TGFB2: variants seen among roughly 807,000 people sequenced by gnomAD.
TGFB2 encodes transforming growth factor beta-2 proprotein.
In TGFB2, 13 loss-of-function variants were observed where a neutral mutation model predicts 42.7. The ratio of observed to expected loss-of-function variants is 0.30; its 90% CI spans 0.20 to 0.48. TGFB2 has a LOEUF of 0.48. Ranked by LOEUF, TGFB2 falls within the 20% of genes least tolerant of loss-of-function variation. The pLI, the probability that TGFB2 is intolerant of heterozygous loss-of-function variation, is 0.99. For synonymous variants in TGFB2, 193 were observed against 193.6 expected (o/e 1.00, Z 0.03); for missense variants, 390 against 517.5 (o/e 0.75, Z 2.39).
intron 2 of TGFB2, among the ~76,000 whole-genome samples, chr1:218,426,867 G>A (rs1313812591): frequency 1.3e-5 from 2 of 152,160 alleles, no homozygotes; most frequent in African/African-American, 4.8e-5. Flanking sequence ...TTCTTTTTGT[G>A]AAAGGCCAAG....
intron 1 of TGFB2, among the ~76,000 whole-genome samples, chr1:218,378,245 T>C (rs7546539): frequency 0.63 from 96,247 of 151,626 alleles, 31,156 homozygotes; most frequent in African/African-American, 0.73. Flanking sequence ...GGTGCGATCT[T>C]AGCTCACTGC....
chr1:218,357,711 T>C (rs1657085364), intron 1 of TGFB2, among the ~76,000 whole-genome samples: 1 of 152,228 alleles, frequency 6.6e-6, no homozygotes, highest in Non-Finnish European at 1.5e-5. Flanking sequence ...TTTGAATGCA[T>C]TTCCATCCCT....
At chr1:218,390,378 C>A (rs1343200295) in intron 1 of TGFB2, among the ~76,000 whole-genome samples, 1 of 151,920 alleles carries the variant, frequency 6.6e-6, no homozygotes, top group African/African-American at 2.4e-5. Context: ...AAGAATTCTC[C>A]TTCCATTCTC....
At chr1:218,362,425 G>A (rs1657243025) in intron 1 of TGFB2, among the ~76,000 whole-genome samples, 1 of 152,172 alleles carries the variant, frequency 6.6e-6, no homozygotes, top group East Asian at 1.9e-4. Flanking sequence ...CTGTCAGTCT[G>A]TTTTAAATAT....
intron 1 of TGFB2, among the ~76,000 whole-genome samples, chr1:218,353,392 G>C (rs759605485): frequency 1.3e-5 from 2 of 152,178 alleles, no homozygotes; most frequent in Admixed American, 6.5e-5. Context: ...CTATGAGAAG[G>C]CCTGAGAGTT....
intron 1 of TGFB2, among the ~76,000 whole-genome samples, chr1:218,396,919 C>T (rs1658530476): frequency 6.6e-6 from 1 of 152,210 alleles, no homozygotes; most frequent in South Asian, 2.1e-4. Context: ...CTTTAGAACT[C>T]TTCCTCTTTT....
chr1:218,346,732 A>T lies in TGFB2; in HGVS notation c.31A>T (p.Ile11Phe). ...CTACTGTGTGCTGAGCGCTTTTCTGATCCTGCATCTGGTCACGGTCGCGCT... is the reference window on the plus strand; with the variant it reads ...CTACTGTGTGCTGAGCGCTTTTCTGTTCCTGCATCTGGTCACGGTCGCGCT... MHYCVLSAFL[I>F]LHLVTVALSL... Residue 11 changes from isoleucine to phenylalanine, a missense_variant, in exon 1 of 7, where the codon ATC becomes TTC. By Grantham distance (21) the Ile-to-Phe change is conservative (BLOSUM62 0). Transcript: ENST00000366930. This position sits in a 1 kb window ranked among gnomAD's most constrained non-coding sequence, Gnocchi z 4.9. 6.2e-7 allele frequency: 1 copy of T among 1,613,498 alleles called. No individual in the cohort carries two copies. The highest frequency in any genetic ancestry group is 8.5e-7 in the Non-Finnish European group (1 of 1,179,894).
chr1:218,406,526 C>T (rs894258250), intron 2 of TGFB2, among the ~76,000 whole-genome samples: 5 of 152,282 alleles, frequency 3.3e-5, no homozygotes, highest in Admixed American at 3.3e-4. Context: ...TTGAAAAATC[C>T]TGAGTCTGGT....
Position 218,436,115 on chromosome 1 carries a change from G to T in TGFB2, c.900G>T (p.Lys300Asn). 6.2e-7 allele frequency: 1 copy of T among 1,613,552 alleles called. No individual in the cohort carries two copies. The highest frequency in any genetic ancestry group is 8.5e-7 in the Non-Finnish European group (1 of 1,179,808). ...AGTCACAACAGACCAACCGGCGGAA[G>T]AAGCGTGCTTTGGATGCGGCCTATT... is the stretch of plus-strand genomic sequence containing the variant. ...RLESQQTNRR[K>N]KRALDAAYCF... Residue 300 changes from lysine to asparagine, a missense_variant, in exon 5 of 7, where the codon AAG (lysine) becomes AAT (asparagine). Lys to Asn is a moderately conservative substitution (Grantham distance 94). Coordinates refer to ENST00000366930, the MANE Select transcript of TGFB2 (RefSeq NM_003238.6).
intron 1 of TGFB2, among the ~76,000 whole-genome samples, chr1:218,399,937 A>T (rs751227661): frequency 2.0e-5 from 3 of 152,086 alleles, no homozygotes; most frequent in African/African-American, 4.8e-5. Flanking sequence ...TACTTATAGA[A>T]TCCTGACAAT....
At chr1:218,348,919 A>G (rs1442497183) in intron 1 of TGFB2, among the ~76,000 whole-genome samples, 1 of 152,212 alleles carries the variant, frequency 6.6e-6, no homozygotes, top group East Asian at 1.9e-4. Context: ...GTGTGGAGAG[A>G]GCAAGTAACC....
intron 1 of TGFB2, among the ~76,000 whole-genome samples, chr1:218,376,637 A>C (rs1158776898): frequency 6.6e-6 from 1 of 151,928 alleles, no homozygotes; most frequent in African/African-American, 2.4e-5. Context: ...CTTATCCCCC[A>C]CCTAAGTGGG....
intron 1 of TGFB2, among the ~76,000 whole-genome samples, chr1:218,399,762 C>A (rs1658651262): frequency 6.6e-6 from 1 of 151,922 alleles, no homozygotes; most frequent in African/African-American, 2.4e-5. Flanking sequence ...TTCTTTCTCT[C>A]CTCTTCTAAT....
intron 1 of TGFB2, among the ~76,000 whole-genome samples, chr1:218,360,885 C>T (rs1657186974): frequency 6.6e-6 from 1 of 152,136 alleles, no homozygotes; most frequent in East Asian, 1.9e-4. Flanking sequence ...GACAGAGTCT[C>T]ACTGTGTCAC....
intron 1 of TGFB2, among the ~76,000 whole-genome samples, chr1:218,364,427 G>C (rs897751487): frequency 6.6e-6 from 1 of 152,174 alleles, no homozygotes; most frequent in Non-Finnish European, 1.5e-5. Flanking sequence ...CCACAACAAA[G>C]AATAGAGCTT....
chr1:218,367,787 C>T (rs1160434844), intron 1 of TGFB2, among the ~76,000 whole-genome samples: 1 of 152,044 alleles, frequency 6.6e-6, no homozygotes, highest in Non-Finnish European at 1.5e-5. Flanking sequence ...GAAGAGAGGA[C>T]GTTCATTTTT....
At chr1:218,386,605 G>T (rs1165939648) in intron 1 of TGFB2, among the ~76,000 whole-genome samples, 1 of 152,182 alleles carries the variant, frequency 6.6e-6, no homozygotes, top group African/African-American at 2.4e-5. Flanking sequence ...ACAAACTGAG[G>T]AGTAGAGGCA....
chr1:218,373,277 T>TAG (rs1657630368), intron 1 of TGFB2, among the ~76,000 whole-genome samples: 1 of 152,178 alleles, frequency 6.6e-6, no homozygotes, highest in African/African-American at 2.4e-5. Flanking sequence ...TGGCTGTGTC[T>TAG]AGATATCCAT....
intron 2 of TGFB2, among the ~76,000 whole-genome samples, chr1:218,432,242 A>G (rs574489088): frequency 4.6e-5 from 7 of 152,292 alleles, no homozygotes; most frequent in African/African-American, 1.7e-4. Context: ...AAATAAAATA[A>G]AATAATGCAT....
Sources: allele counts gnomAD v4.1 joint callset (sites outside exome capture counted in the v4.1 genomes callset), GRCh38; gene constraint gnomAD v4.1.1; non-coding constraint Gnocchi (gnomAD v3.1); transcripts MANE v1.5; gene names NCBI Gene and HGNC (gene_info 2026-07-23, HGNC 2026-07-21).